Variants in SERPING1 observed in about 807,000 individuals in gnomAD.
SERPING1 encodes the protein plasma protease C1 inhibitor.
SERPING1 carries 5 observed loss-of-function variants against 34.1 expected under a neutral mutation model. The ratio of observed to expected loss-of-function variants is 0.15; its 90% CI spans 0.08 to 0.31. SERPING1 has a LOEUF of 0.31. SERPING1 is among the 10% of genes least tolerant of loss of function. The pLI is 1.00. For synonymous variants in SERPING1, 225 were observed against 242.4 expected (o/e 0.93, Z 0.67); for missense variants, 505 against 609.5 (o/e 0.83, Z 1.81).
At chr11:57,605,643 G>C in intron 4 of SERPING1, 1 of 188,200 alleles carries the variant, frequency 5.3e-6, no homozygotes, top group East Asian at 1.4e-4. Context: ...AGGAAGTTTT[G>C]TCACAAACTT....
intron 7 of SERPING1, among the ~76,000 whole-genome samples, chr11:57,612,550 A>G (rs928397370): frequency 6.6e-6 from 1 of 151,620 alleles, no homozygotes; most frequent in Non-Finnish European, 1.5e-5. Context: ...AGTAGCTGGG[A>G]CTACAGGTGC....
chr11:57,598,754 G>A (rs1007542608), intron 2 of SERPING1, among the ~76,000 whole-genome samples: 1 of 152,194 alleles, frequency 6.6e-6, no homozygotes, highest in South Asian at 2.1e-4. Context: ...CTGTGACACA[G>A]ACGGTGGTCC....
chr11:57,611,348 T>A (rs1303008757), intron 6 of SERPING1: 2 of 320,352 alleles, frequency 6.2e-6, no homozygotes, highest in African/African-American at 4.2e-5. Flanking sequence ...TTACAGAGGC[T>A]GACCTGATAA....
intron 4 of SERPING1, among the ~76,000 whole-genome samples, chr11:57,603,711 C>A (rs1240925559): frequency 6.6e-6 from 1 of 150,712 alleles, no homozygotes; most frequent in African/African-American, 2.4e-5. Flanking sequence ...TGGTGGCAGG[C>A]GCCTGTGGTC....
intron 2 of SERPING1, 102 bp from the exon 3 acceptor site, chr11:57,599,777 A>C (rs1188739146): frequency 1.3e-6 from 2 of 1,526,968 alleles, no homozygotes; most frequent in Non-Finnish European, 1.8e-6. Context: ...TCTCTTGTAC[A>C]GGACATTTTC....
chr11:57,611,474 G>T (rs1565173210), intron 6 of SERPING1: 1 of 569,978 alleles, frequency 1.8e-6, no homozygotes, highest in Non-Finnish European at 3.1e-6. Flanking sequence ...GTCAGTGGTG[G>T]AGTCAGGGTA....
intron 4 of SERPING1, chr11:57,605,620 C>G: frequency 5.2e-6 from 1 of 193,772 alleles, no homozygotes; most frequent in Non-Finnish European, 1.0e-5. Context: ...AAGGCTTTTG[C>G]AGAGCAAAAG....
chr11:57,614,350 C>A lies in SERPING1; in HGVS notation c.1272C>A (p.Asp424Glu), dbSNP rs758843446. ...TAGAATTCTTCGATTTTTCTTATGA[C>A]CTTAACCTGTGTGGGCTGACAGAGG... The part of the protein sequence containing the change: ...EKLEFFDFSY[D>E]LNLCGLTEDP... Residue 424 changes from aspartate to glutamate, a missense_variant, in exon 8 of 8, where the codon GAC becomes GAA. Physicochemically the swap from Asp to Glu is conservative, Grantham distance 45. Transcript: ENST00000278407. 27 of 1,613,866 alleles carry A rather than the reference C, an allele frequency of 1.7e-5. No individual in the cohort carries two copies. Among genetic ancestry groups the A allele is most frequent in the South Asian group, 1.5e-4 (14 of 91,086 alleles).
chr11:57,607,989 A>G (rs777414755), intron 6 of SERPING1, among the ~76,000 whole-genome samples: 10 of 152,146 alleles, frequency 6.6e-5, no homozygotes, highest in Non-Finnish European at 1.2e-4. Context: ...TTCTTTGCTC[A>G]GTTATTTATC....
At chr11:57,604,907 G>A (rs917092856) in intron 4 of SERPING1, among the ~76,000 whole-genome samples, 2 of 151,758 alleles carry the variant, frequency 1.3e-5, no homozygotes, top group African/African-American at 4.8e-5. Context: ...GGACTGAGAC[G>A]GGAGGATTGC....
intron 6 of SERPING1, among the ~76,000 whole-genome samples, chr11:57,609,733 A>T (rs560207784): frequency 1.1e-4 from 17 of 152,204 alleles, no homozygotes; most frequent in Admixed American, 2.6e-4. Context: ...CCCTTTAAAA[A>T]TTTAATATGC....
Position 57,600,240 on chromosome 11 carries a change from C to T in SERPING1, c.413C>T (p.Thr138Ile). 6.2e-7 allele frequency: 1 copy of T among 1,614,112 alleles called. No individual in the cohort carries two copies. Among genetic ancestry groups the T allele is most frequent in the Non-Finnish European group, 8.5e-7 (1 of 1,180,026 alleles). ...TLCSDLESHS[T>I]EAVLGDALVD... is the part of the protein sequence containing the mutation. ...TGCTCTGACTTGGAGAGTCATTCAA[C>T]AGAGGCCGTGTTGGGGGATGCTTTG... The change falls in exon 3 of 8, where the codon ACA becomes ATA. Residue 138 changes from threonine (T) to isoleucine (I), a missense_variant. Physicochemically the swap from Thr to Ile is moderately conservative, Grantham distance 89 (BLOSUM62 -1). Transcript: ENST00000278407.
At position 57,598,335 on chromosome 11, in the gene SERPING1, T is replaced by G; in HGVS notation, c.51+14T>G. 6.4e-7 allele frequency: 1 copy of G among 1,555,518 alleles called. No homozygotes were observed. Among genetic ancestry groups the G allele is most frequent in the South Asian group, 1.2e-5 (1 of 85,058 alleles). On this transcript the variant is annotated intron_variant, in intron 2 of 7. Transcript: ENST00000278407. ...CTGCTGGCTGGGGTATGTGGTCCCT[T>G]GTGGGATGGGGGACGGGGGTGGAGA...
intron 6 of SERPING1, among the ~76,000 whole-genome samples, chr11:57,611,038 A>G (rs1266248875): frequency 1.3e-5 from 2 of 151,884 alleles, no homozygotes; most frequent in Non-Finnish European, 2.9e-5. Context: ...GGGTTCAAGC[A>G]ATTCTCCTGC....
rs998696963 is a variant in SERPING1, at chr11:57,614,645, G to T, written c.*64G>T. 1.9e-6 allele frequency: 3 copies of T among 1,574,342 alleles called. No homozygotes were observed. Among genetic ancestry groups the T allele is most frequent in the Non-Finnish European group, 2.6e-6 (3 of 1,164,784 alleles). Reference sequence around the variant, plus strand: ...AGCCTCAGCTCTCAGTTGCAGCCCTGCTGCTGCCTGCCTGGACTTGGCCCC... The same window carrying T: ...AGCCTCAGCTCTCAGTTGCAGCCCTTCTGCTGCCTGCCTGGACTTGGCCCC... On this transcript the variant is annotated 3_prime_UTR_variant, in exon 8 of 8. Transcript: ENST00000278407.
chr11:57,612,201 C>T (rs1945485026), intron 7 of SERPING1, among the ~76,000 whole-genome samples: 1 of 152,076 alleles, frequency 6.6e-6, no homozygotes, highest in African/African-American at 2.4e-5. Context: ...ACCCAGGTCT[C>T]CAGCTCTCCT....
rs1403601960 is a variant in SERPING1, at chr11:57,611,918, T to G, written c.1231T>G (p.Ser411Ala). 6.2e-7 allele frequency: 1 copy of G among 1,614,070 alleles called. No individual in the cohort carries two copies. Among genetic ancestry groups the G allele is most frequent in the Non-Finnish European group, 8.5e-7 (1 of 1,180,014 alleles). The change falls in exon 7 of 8, where the codon TCA (serine) becomes GCA (alanine). Residue 411 changes from serine (S) to alanine (A), a missense_variant. Ser to Ala is a moderately conservative substitution (Grantham distance 99). Coordinates refer to ENST00000278407, the MANE Select transcript of SERPING1 (RefSeq NM_000062.3). ...AGTGACGACCAGCCAGGATATGCTC[T>G]CAATCATGGAGAAATTGGGTGAGCT... is the stretch of plus-strand genomic sequence containing the variant. ...IKVTTSQDML[S>A]IMEKLEFFDF...
At chr11:57,613,806 A>G (rs1436040012) in intron 7 of SERPING1, among the ~76,000 whole-genome samples, 1 of 151,996 alleles carries the variant, frequency 6.6e-6, no homozygotes, top group African/African-American at 2.4e-5. Context: ...GACCAGCCCC[A>G]ATCCAGGAGC....
In SERPING1 at chr11:57,600,154, C is replaced by T. The variant is rs747749142; in HGVS notation, c.327C>T (p.Leu109=). 4 of 1,612,540 alleles carry T rather than the reference C, an allele frequency of 2.5e-6. No individual in the cohort carries two copies. In the South Asian group the frequency reaches 4.4e-5, roughly 18 times the overall value. The change falls in exon 3 of 8, where the codon CTC becomes CTT. Residue 109 remains leucine (L), a synonymous_variant. Coordinates refer to ENST00000278407, the MANE Select transcript of SERPING1 (RefSeq NM_000062.3). Reference sequence around the variant, plus strand: ...AACCCACCCAACCAACTACCCAGCTCCCAACAGATTCTCCTACCCAGCCCA... The same window carrying T: ...AACCCACCCAACCAACTACCCAGCTTCCAACAGATTCTCCTACCCAGCCCA... The part of the protein sequence containing the change: ...TIQPTQPTTQ[L]PTDSPTQPTT...
Sources: gnomAD v4.1 joint callset for allele counts (sites outside exome capture counted in the v4.1 genomes callset) on GRCh38, gnomAD v4.1.1 for gene constraint, MANE v1.5 for transcripts, NCBI Gene and HGNC (gene_info 2026-07-23, HGNC 2026-07-21) for gene names.